Variants in CLSTN3 observed in about 807,000 individuals in gnomAD.
The protein encoded by CLSTN3 is calsyntenin-3.
In CLSTN3, 36 loss-of-function variants were observed where a neutral mutation model predicts 95.9. The observed-to-expected ratio is 0.38, with a 90% confidence interval of 0.29 to 0.50. CLSTN3 has a LOEUF of 0.50. CLSTN3 is among the 20% of genes least tolerant of loss of function. The pLI, the probability that CLSTN3 is intolerant of heterozygous loss-of-function variation, is 0.95. For missense variants in CLSTN3, 1,084 were observed against 1,268.8 expected (o/e 0.85, Z 2.21); for synonymous variants, 481 against 504.0 (o/e 0.95, Z 0.61).
At chr12:7,148,282 G>T (rs1349554756) in intron 12 of CLSTN3, among the ~76,000 whole-genome samples, 2 of 152,244 alleles carry the variant, frequency 1.3e-5, no homozygotes, top group Non-Finnish European at 2.9e-5. Flanking sequence ...ACTGGTAAAG[G>T]TGGGGCTAAA....
chr12:7,142,820 A>T (rs1591617414), intron 10 of CLSTN3, 49 bp from the exon 11 acceptor site: 1 of 1,556,128 alleles, frequency 6.4e-7, no homozygotes, highest in African/African-American at 1.5e-5. Flanking sequence ...GTCCTTTTCC[A>T]TCCTCCTCTC....
chr12:7,136,098 C>T, intron 5 of CLSTN3, 108 bp from the exon 6 acceptor site: 1 of 1,503,442 alleles, frequency 6.7e-7, no homozygotes, highest in Non-Finnish European at 9.0e-7. Context: ...GCCGGGCCAT[C>T]CTGCCAGGAG....
rs56109046 is a variant in CLSTN3 at position 7,147,396 on chromosome 12, C to CAA, written c.1848-1548_1848-1547dup. ...CCTGGGCAACAGAGAGAGACTCTGCCAAAAAAAAAAAAAAAAAAAAAAAAA... is the reference window on the plus strand; with the variant it reads ...CCTGGGCAACAGAGAGAGACTCTGCCAAAAAAAAAAAAAAAAAAAAAAAAAAA... On this transcript the variant is annotated intron_variant, in intron 12 of 17. Coordinates refer to ENST00000266546, the MANE Select transcript of CLSTN3 (RefSeq NM_014718.4). Among the ~76,000 whole-genome samples the CAA allele has an allele frequency of 3.3e-3, 166 of 50,560 alleles. 18 individuals are homozygous for CAA. Among genetic ancestry groups the CAA allele is most frequent in the African/African-American group, 0.013 (140 of 11,098 alleles). The allele number at this position is 50,560 out of a possible 152,430, so 33.2% of individuals were successfully genotyped here.
intron 12 of CLSTN3, among the ~76,000 whole-genome samples, chr12:7,148,204 G>GAAAGA (rs1939661129): frequency 7.5e-6 from 1 of 134,046 alleles, no homozygotes; most frequent in South Asian, 2.7e-4. Flanking sequence ...AAGAAAGAAA[G>GAAAGA]AAAGAAAGAA....
intron 10 of CLSTN3, among the ~76,000 whole-genome samples, 166 bp downstream of exon 10, chr12:7,142,305 G>C (rs1939540591): frequency 6.6e-6 from 1 of 152,104 alleles, no homozygotes; most frequent in African/African-American, 2.4e-5. Flanking sequence ...GGAGTGGTAA[G>C]GCTAGAGGCA....
In CLSTN3 at chr12:7,150,086, A is replaced by G. The variant is rs958220626; in HGVS notation, c.2245+393A>G. On this transcript the variant is annotated intron_variant, in intron 14 of 17. Transcript: ENST00000266546. This position sits in a 1 kb window ranked among gnomAD's most constrained non-coding sequence, Gnocchi z 4.0. ...CACGTGCACACCAGAGCTTTACAAG[A>G]AGTACTCATCTCTTAGTGAATAGTG... 6.6e-6 allele frequency among the ~76,000 whole-genome samples: 1 copy of G among 152,162 alleles called. No individual in the cohort carries two copies. The highest frequency in any genetic ancestry group is 2.4e-5 in the African/African-American group (1 of 41,422).
rs1196163120 is a variant in CLSTN3, at chr12:7,135,206, T to A, written c.384-121T>A. On this transcript the variant is annotated intron_variant, in intron 3 of 17. Coordinates refer to ENST00000266546, the MANE Select transcript of CLSTN3 (RefSeq NM_014718.4). ...GTCCCTCCATGTGCCGTATCAAGGC[T>A]GTATCTTGATGTACCGTATCGAGGC... 3.4e-6 allele frequency: 3 copies of A among 885,338 alleles called. No homozygotes were observed. The African/African-American group carries it at 4.9e-5, about 15-fold the overall frequency. The allele number at this position is 885,338 out of a possible 1,614,324, so 54.8% of individuals were successfully genotyped here.
Position 7,147,395 on chromosome 12 carries a change from C to CAAAA in CLSTN3, c.1848-1577_1848-1576insAAAA, listed in dbSNP as rs1565652698. On this transcript the variant is annotated intron_variant, in intron 12 of 17. Transcript: ENST00000266546. Reference sequence around the variant, plus strand: ...GCCTGGGCAACAGAGAGAGACTCTGCCAAAAAAAAAAAAAAAAAAAAAAAA... The same window carrying CAAAA: ...GCCTGGGCAACAGAGAGAGACTCTGCAAAACAAAAAAAAAAAAAAAAAAAAAAAA... Among the ~76,000 whole-genome samples, 13 of 19,800 alleles carry CAAAA rather than the reference C, an allele frequency of 6.6e-4. No individual in the cohort carries two copies. In the East Asian group the frequency reaches 0.011, roughly 16 times the overall value. 13.0% of individuals were successfully genotyped at this position (19,800 alleles called of 152,430 possible). A position where few individuals can be genotyped will look rare whatever the true frequency, so the allele number is the denominator to read the frequency against.
At chr12:7,130,303 TCC>T (rs1174430972), upstream of CLSTN3, 14 of 779,458 alleles carry the variant, frequency 1.8e-5, no homozygotes, top group African/African-American at 2.0e-4. Context: ...CAGCACCTGG[TCC>T]CCCCCCCTCC....
At position 7,133,489 on chromosome 12, in the gene CLSTN3, G is replaced by A. The variant is rs1939344317; in HGVS notation, c.188-84G>A. The A allele has an allele frequency of 1.5e-6, 2 of 1,332,626 alleles. No individual in the cohort carries two copies. Among genetic ancestry groups the A allele is most frequent in the African/African-American group, 2.9e-5 (2 of 69,256 alleles). The allele number at this position is 1,332,626 out of a possible 1,614,324, so 82.6% of individuals were successfully genotyped here. On this transcript the variant is annotated intron_variant, in intron 2 of 17. Coordinates refer to ENST00000266546, the MANE Select transcript of CLSTN3 (RefSeq NM_014718.4). This position sits in a 1 kb window ranked among gnomAD's most constrained non-coding sequence, Gnocchi z 4.7. ...GAAGGGACAGGGCTTTGGGAGGAGA[G>A]GTGGAGCTGGACCCCAGGTGGGGAG...
In CLSTN3 at chr12:7,133,117, T is replaced by G. The variant is rs1252839630; in HGVS notation, c.158T>G (p.Leu53Trp). ...TVLLNPPLFA[L>W]DKDAPLRYAG... ...CTACTGAATCCACCACTCTTTGCCT[T>G]GGACAAGGATGCCCCGCTGCGCTAT... Residue 53 changes from leucine (L) to tryptophan (W), a missense_variant, in exon 2 of 18, where the codon TTG (leucine) becomes TGG (tryptophan). Coordinates refer to ENST00000266546, the MANE Select transcript of CLSTN3 (RefSeq NM_014718.4). The surrounding 1 kb of genome is among the most constrained non-coding windows in gnomAD (Gnocchi z 4.7). The G allele has an allele frequency of 1.9e-6, 3 of 1,613,826 alleles. No homozygotes were observed. In the African/African-American group the frequency reaches 4.0e-5, roughly 22 times the overall value.
At chr12:7,146,248 A>G (rs750655090) in intron 12 of CLSTN3, among the ~76,000 whole-genome samples, 3 of 152,168 alleles carry the variant, frequency 2.0e-5, no homozygotes, top group Non-Finnish European at 4.4e-5. Context: ...GTTCGAGACC[A>G]GCCTGCACAA....
Position 7,149,729 on chromosome 12 carries a change from T to A in CLSTN3, c.2245+36T>A. The A allele has an allele frequency of 6.3e-7, 1 of 1,581,712 alleles. No individual in the cohort carries two copies. The highest frequency in any genetic ancestry group is 8.6e-7 in the Non-Finnish European group (1 of 1,159,576). On this transcript the variant is annotated intron_variant, in intron 14 of 17. Coordinates refer to ENST00000266546, the MANE Select transcript of CLSTN3 (RefSeq NM_014718.4). This position sits in a 1 kb window ranked among gnomAD's most constrained non-coding sequence, Gnocchi z 4.5. Reference sequence around the variant, plus strand: ...CCTGAGGGCCTGTCCTCTGTGTGTGTGTGCCCCTCCCAAAAAGTAAGGGCC... The same window carrying A: ...CCTGAGGGCCTGTCCTCTGTGTGTGAGTGCCCCTCCCAAAAAGTAAGGGCC...
intron 10 of CLSTN3, 34 bp downstream of exon 10, chr12:7,142,173 T>G (rs766027349): frequency 6.5e-7 from 1 of 1,549,798 alleles, no homozygotes; most frequent in Non-Finnish European, 8.9e-7. Context: ...GACCAGAGAG[T>G]TCTCATCTTC....
In CLSTN3 at chr12:7,151,077, G is replaced by C; in HGVS notation, c.2527+14G>C. The C allele has an allele frequency of 6.4e-7, 1 of 1,565,168 alleles. No individual in the cohort carries two copies. Among genetic ancestry groups the C allele is most frequent in the Middle Eastern group, 1.7e-4 (1 of 5,842 alleles). ...ACAGAAACTCCAGTACGTAAGCCTG[G>C]TGGGGCTGGGCAGGGAGGGGCAGGT... On this transcript the variant is annotated intron_variant, in intron 16 of 17. Coordinates refer to ENST00000266546, the MANE Select transcript of CLSTN3 (RefSeq NM_014718.4).
Position 7,137,161 on chromosome 12 carries a change from C to T in CLSTN3, c.1210+51C>T. 1.3e-6 allele frequency: 2 copies of T among 1,541,954 alleles called. No individual in the cohort carries two copies. The highest frequency in any genetic ancestry group is 1.8e-6 in the Non-Finnish European group (2 of 1,142,222). ...CAGAGGGGGAAACTGGCTTCTTGTC[C>T]CGCCTCTGTCACTGCCCAGTGTGTG... On this transcript the variant is annotated intron_variant, in intron 7 of 17. Coordinates refer to ENST00000266546, the MANE Select transcript of CLSTN3 (RefSeq NM_014718.4). The surrounding 1 kb of genome is among the most constrained non-coding windows in gnomAD (Gnocchi z 4.4).
At chr12:7,129,726 G>A, upstream of CLSTN3, 2 of 985,408 alleles carry the variant, frequency 2.0e-6, no homozygotes, top group South Asian at 4.7e-5. This position sits in a 1 kb window ranked among gnomAD's most constrained non-coding sequence, Gnocchi z 5.5. Context: ...CCATCGTCCC[G>A]GGCTTCAGAA....
chr12:7,129,443 T>G, upstream of CLSTN3: 4 of 187,432 alleles, frequency 2.1e-5, no homozygotes, highest in Non-Finnish European at 4.0e-5. The surrounding 1 kb of genome is among the most constrained non-coding windows in gnomAD (Gnocchi z 5.5). Flanking sequence ...TAAAGAGCCA[T>G]TAGGAGGGAG....
At chr12:7,148,814 G>C (rs1052909666) in intron 12 of CLSTN3, among the ~76,000 whole-genome samples, 158 bp from the exon 13 acceptor site, 7 of 152,232 alleles carry the variant, frequency 4.6e-5, no homozygotes, top group African/African-American at 1.7e-4. Flanking sequence ...TGCTGTGGGG[G>C]TTGGGATGCA....
Sources: gnomAD v4.1 joint callset for allele counts (sites outside exome capture counted in the v4.1 genomes callset) on GRCh38, gnomAD v4.1.1 for gene constraint, Gnocchi (gnomAD v3.1) non-coding constraint, MANE v1.5 for transcripts, NCBI Gene and HGNC (gene_info 2026-07-23, HGNC 2026-07-21) for gene names.